SUGCT: variants seen among roughly 807,000 people sequenced by gnomAD.
The protein encoded by SUGCT is succinyl-CoA:glutarate-CoA transferase.
In SUGCT, 41 loss-of-function variants were observed where a neutral mutation model predicts 55.0. The observed-to-expected ratio is 0.74, with a 90% CI of 0.58 to 0.97. The LOEUF is 0.97. SUGCT is among the 50% of genes least tolerant of loss of function. SUGCT has a pLI of 0.00. For synonymous variants in SUGCT, 187 were observed against 200.4 expected, an observed-to-expected ratio of 0.93 and a Z score of 0.56; for missense variants, 568 against 547.8, an observed-to-expected ratio of 1.04 and a Z score of -0.37.
At chr7:40,264,676 T>G (rs1272743237) in intron 7 of SUGCT, among the ~76,000 whole-genome samples, 1 of 152,244 alleles carries the variant, frequency 6.6e-6, no homozygotes, top group East Asian at 1.9e-4. Context: ...AAATACTACC[T>G]TCATATTAAG....
intron 9 of SUGCT, among the ~76,000 whole-genome samples, chr7:40,365,242 A>G (rs1174069736): frequency 6.6e-6 from 1 of 152,208 alleles, no homozygotes; most frequent in African/African-American, 2.4e-5. Context: ...TCAATAAATT[A>G]GGTATTGATG....
chr7:40,325,479 A>G (rs77154836), intron 9 of SUGCT, among the ~76,000 whole-genome samples: 2,117 of 152,268 alleles, frequency 0.014, 47 homozygotes, highest in African/African-American at 0.048. Flanking sequence ...GTATGTATGT[A>G]TTTATAAAAT....
chr7:40,431,866 T>C (rs1787911692), intron 9 of SUGCT, among the ~76,000 whole-genome samples: 1 of 152,206 alleles, frequency 6.6e-6, no homozygotes, highest in African/African-American at 2.4e-5. Context: ...TTTGTTGATT[T>C]TATATCCTGC....
intron 8 of SUGCT, among the ~76,000 whole-genome samples, chr7:40,288,139 G>T (rs1411301373): frequency 2.0e-5 from 3 of 152,060 alleles, no homozygotes. Context: ...TTTACGGTCT[G>T]TAGTTTTCTT....
At chr7:40,814,790 G>T (rs1791589543) in intron 13 of SUGCT, among the ~76,000 whole-genome samples, 1 of 151,966 alleles carries the variant, frequency 6.6e-6, no homozygotes, top group Admixed American at 6.6e-5. Context: ...TCTTGCAGTG[G>T]TTCCTTCTCA....
chr7:40,844,515 T>C (rs1793456056), intron 13 of SUGCT, among the ~76,000 whole-genome samples: 1 of 152,176 alleles, frequency 6.6e-6, no homozygotes, highest in South Asian at 2.1e-4. Flanking sequence ...TTCTCTGACA[T>C]CTGGCTGCTG....
At chr7:40,272,112 T>TATA (rs1792082767) in intron 7 of SUGCT, among the ~76,000 whole-genome samples, 1 of 80,814 alleles carries the variant, frequency 1.2e-5, no homozygotes, top group Non-Finnish European at 2.5e-5. Flanking sequence ...TATATATATA[T>TATA]GGATGTTTCA....
chr7:40,887,196 T>C, the SUGCT span, among the ~76,000 whole-genome samples: 10 of 152,246 alleles, frequency 6.6e-5, 1 homozygote, highest in South Asian at 2.1e-3. Context: ...TCCTGAAGGA[T>C]AGTCTGAATT....
At chr7:40,144,846 A>G (rs1788163011) in intron 1 of SUGCT, among the ~76,000 whole-genome samples, 1 of 152,146 alleles carries the variant, frequency 6.6e-6, no homozygotes, top group Non-Finnish European at 1.5e-5. Context: ...TTCCTGTATG[A>G]TTTTTATACC....
chr7:40,949,935 G>A, the SUGCT span, among the ~76,000 whole-genome samples: 2 of 152,180 alleles, frequency 1.3e-5, no homozygotes, highest in Non-Finnish European at 2.9e-5. Context: ...ACTTGGCAAT[G>A]CAGGCTCTTT....
intron 9 of SUGCT, among the ~76,000 whole-genome samples, chr7:40,329,186 A>G (rs1796174494): frequency 1.3e-5 from 2 of 152,052 alleles, no homozygotes; most frequent in Non-Finnish European, 2.9e-5. Context: ...GCCTGGGGGG[A>G]AAATAACTGA....
chr7:40,568,618 T>C (rs1425811054), intron 12 of SUGCT, among the ~76,000 whole-genome samples: 1 of 152,204 alleles, frequency 6.6e-6, no homozygotes, highest in African/African-American at 2.4e-5. Context: ...AGCATGGCCA[T>C]GAAGCATGGC....
At chr7:40,643,780 A>G (rs1438006071) in intron 12 of SUGCT, among the ~76,000 whole-genome samples, 1 of 152,172 alleles carries the variant, frequency 6.6e-6, no homozygotes, top group African/African-American at 2.4e-5. Context: ...TTCTGGAAAT[A>G]CTAGGAAGGG....
intron 11 of SUGCT, among the ~76,000 whole-genome samples, chr7:40,493,068 A>G (rs752924149): frequency 5.3e-5 from 8 of 152,214 alleles, no homozygotes; most frequent in Non-Finnish European, 1.2e-4. Flanking sequence ...TTCATTTTTT[A>G]GCTGTGACCA....
chr7:40,542,423 A>G (rs1398049938), intron 12 of SUGCT, among the ~76,000 whole-genome samples: 2 of 152,290 alleles, frequency 1.3e-5, no homozygotes, highest in Non-Finnish European at 2.9e-5. Context: ...TGTTCTCTGT[A>G]TCCCTGTCAA....
intron 6 of SUGCT, among the ~76,000 whole-genome samples, chr7:40,229,952 A>G (rs1034400596): frequency 6.6e-6 from 1 of 152,224 alleles, no homozygotes; most frequent in South Asian, 2.1e-4. Flanking sequence ...ATTACTTACT[A>G]TGAAACATTT....
intron 12 of SUGCT, among the ~76,000 whole-genome samples, chr7:40,514,791 G>A (rs1432129511): frequency 8.7e-5 from 13 of 149,538 alleles, no homozygotes; most frequent in Non-Finnish European, 1.3e-4. Flanking sequence ...AACACATGAC[G>A]TCTCTTTACC....
At chr7:40,218,356 C>G (rs1441008360) in intron 6 of SUGCT, among the ~76,000 whole-genome samples, 1 of 152,176 alleles carries the variant, frequency 6.6e-6, no homozygotes, top group Non-Finnish European at 1.5e-5. Flanking sequence ...AGCCTGGCTC[C>G]CACTTCTCCA....
intron 9 of SUGCT, among the ~76,000 whole-genome samples, chr7:40,347,531 A>G (rs999281561): frequency 1.5e-4 from 23 of 152,352 alleles, no homozygotes; most frequent in African/African-American, 5.5e-4. Context: ...GAGATAAGAT[A>G]GATGAATTGA....
Sources: allele counts gnomAD v4.1 joint callset (sites outside exome capture counted in the v4.1 genomes callset), GRCh38; gene constraint gnomAD v4.1.1; transcripts MANE v1.5; gene names NCBI Gene and HGNC (gene_info 2026-07-23, HGNC 2026-07-21).